CNTNAP2: variants seen among roughly 807,000 people sequenced by gnomAD.
CNTNAP2 encodes contactin associated protein 2.
Under a neutral mutation model 155.2 loss-of-function variants are expected in CNTNAP2, and 98 were observed. That is an observed-to-expected ratio of 0.63 (90% confidence interval 0.54 to 0.75). The LOEUF (loss-of-function observed/expected upper bound fraction) is 0.75, where lower values mean the gene tolerates loss of function less well. CNTNAP2 is among the 30% of genes least tolerant of loss of function. The probability of loss-of-function intolerance (pLI) is 0.00; values close to 1 mark genes in which losing one functional copy is unlikely to be tolerated. For synonymous variants in CNTNAP2, 651 were observed against 631.2 expected, an observed-to-expected ratio of 1.03 and a Z score of -0.47; for missense variants, 1,727 against 1,688.1, an observed-to-expected ratio of 1.02 and a Z score of -0.40.
chr7:146,524,417 A>G (rs1797658678), intron 1 of CNTNAP2, among the ~76,000 whole-genome samples: 1 of 152,064 alleles, frequency 6.6e-6, no homozygotes, highest in Admixed American at 6.6e-5. Context: ...TGATAGTAGC[A>G]TAGTTGCTTG....
chr7:148,071,644 A>G (rs1451540094), intron 15 of CNTNAP2, among the ~76,000 whole-genome samples: 6 of 152,238 alleles, frequency 3.9e-5, no homozygotes, highest in African/African-American at 9.6e-5. Context: ...ATTGCCATTC[A>G]GTATCATTGG....
intron 14 of CNTNAP2, among the ~76,000 whole-genome samples, chr7:147,918,571 A>G (rs931129241): frequency 6.6e-6 from 1 of 152,230 alleles, no homozygotes; most frequent in Non-Finnish European, 1.5e-5. Flanking sequence ...ACTAAATGTG[A>G]TGTATAATGA....
At chr7:146,613,764 T>C (rs1799178577) in intron 1 of CNTNAP2, among the ~76,000 whole-genome samples, 1 of 152,132 alleles carries the variant, frequency 6.6e-6, no homozygotes, top group Non-Finnish European at 1.5e-5. Flanking sequence ...ATGACTACCA[T>C]ATTGGACACC....
chr7:146,173,781 T>C (rs962543440), intron 1 of CNTNAP2, among the ~76,000 whole-genome samples: 1 of 152,180 alleles, frequency 6.6e-6, no homozygotes, highest in East Asian at 1.9e-4. Context: ...ATACTCAGCA[T>C]GTGTTAGTTG....
Position 148,247,647 on chromosome 7 carries a change from A to AT in CNTNAP2, c.3381+17871dup, listed in dbSNP as rs1361087053. 1.4e-3 allele frequency among the ~76,000 whole-genome samples: 179 copies of AT among 125,818 alleles called. 7 individuals carry two copies. The highest frequency in any genetic ancestry group is 2.2e-3 in the Non-Finnish European group (133 of 59,434). 82.5% of individuals were successfully genotyped at this position (125,818 alleles called of 152,430 possible). ...TCTCTATTTATTTATTTATTTATTT[A>AT]TTTATTTATTTATTTATTTTTTTGG... On this transcript the variant is annotated intron_variant, in intron 20 of 23. Transcript: ENST00000361727.
chr7:148,136,557 T>C (rs1223825403), intron 16 of CNTNAP2, among the ~76,000 whole-genome samples: 2 of 152,192 alleles, frequency 1.3e-5, no homozygotes, highest in Non-Finnish European at 2.9e-5. Context: ...CTCTTTTCTT[T>C]ATAAATTACC....
chr7:147,733,964 A>G (rs1405452641), intron 13 of CNTNAP2, among the ~76,000 whole-genome samples: 6 of 152,132 alleles, frequency 3.9e-5, no homozygotes, highest in South Asian at 2.1e-4. Flanking sequence ...TCTGCAAACA[A>G]GGACAATTTG....
intron 23 of CNTNAP2, among the ~76,000 whole-genome samples, chr7:148,413,401 AATATATATAT>A (rs1226281346): frequency 2.2e-4 from 10 of 45,356 alleles, no homozygotes; most frequent in African/African-American, 8.9e-4. Context: ...TCAAAAAAAA[AATATATATAT>A]ATATATATAT....
chr7:146,542,450 C>T (rs1445504086), intron 1 of CNTNAP2, among the ~76,000 whole-genome samples: 1 of 151,900 alleles, frequency 6.6e-6, no homozygotes, highest in Non-Finnish European at 1.5e-5. Flanking sequence ...CTGGCAGAAA[C>T]CATCTAGACT....
In CNTNAP2 at chr7:146,254,386, C is replaced by G. The variant is rs561234285; in HGVS notation, c.97+137413C>G. 3.9e-5 allele frequency among the ~76,000 whole-genome samples: 6 copies of G among 152,240 alleles called. No individual in the cohort carries two copies. The South Asian group carries it at 1.2e-3, about 32-fold the overall frequency. On this transcript the variant is annotated intron_variant, in intron 1 of 23. Coordinates refer to ENST00000361727, the MANE Select transcript of CNTNAP2 (RefSeq NM_014141.6). ...GAAAAATTCTTAGAATAGTTCTTGG[C>G]ACATGCCATATTTAAATGTCGCCAC...
intron 1 of CNTNAP2, among the ~76,000 whole-genome samples, chr7:146,679,347 C>CTTTTTTT (rs34541415): frequency 2.8e-4 from 30 of 106,902 alleles, no homozygotes; most frequent in African/African-American, 3.8e-4. Context: ...GATCTTGTTT[C>CTTTTTTT]TTTTTTTTTT....
chr7:146,785,436 A>G (rs527305867), intron 2 of CNTNAP2, among the ~76,000 whole-genome samples: 19 of 152,220 alleles, frequency 1.2e-4, no homozygotes, highest in Non-Finnish European at 2.2e-4. Context: ...TGCAGGTTTG[A>G]CTCTCAGAGA....
intron 20 of CNTNAP2, among the ~76,000 whole-genome samples, chr7:148,245,125 G>C (rs982447434): frequency 1.3e-5 from 2 of 152,246 alleles, no homozygotes; most frequent in South Asian, 2.1e-4. Context: ...TAACAACTGG[G>C]TTGTCTTGTG....
intron 2 of CNTNAP2, among the ~76,000 whole-genome samples, chr7:146,836,402 C>T (rs556022068): frequency 6.6e-6 from 1 of 152,236 alleles, no homozygotes; most frequent in South Asian, 2.1e-4. Flanking sequence ...GCAGTTTTAA[C>T]AGAGGTAGTA....
chr7:147,507,706 C>T (rs1327713122), intron 11 of CNTNAP2, among the ~76,000 whole-genome samples: 1 of 151,774 alleles, frequency 6.6e-6, no homozygotes. Flanking sequence ...GTGTCTGCCA[C>T]CACGCGCGGC....
chr7:146,713,099 G>A (rs1019120875), intron 1 of CNTNAP2, among the ~76,000 whole-genome samples: 1 of 151,738 alleles, frequency 6.6e-6, no homozygotes, highest in Non-Finnish European at 1.5e-5. Flanking sequence ...CAGACTCGCA[G>A]GACCCTAAAT....
chr7:148,006,816 G>A (rs1282536807), intron 15 of CNTNAP2, among the ~76,000 whole-genome samples: 1 of 152,022 alleles, frequency 6.6e-6, no homozygotes, highest in African/African-American at 2.4e-5. Context: ...TCATGAAAGT[G>A]GGCAATTCAA....
chr7:147,643,051 TG>T (rs951817703), intron 13 of CNTNAP2, among the ~76,000 whole-genome samples: 7 of 152,194 alleles, frequency 4.6e-5, no homozygotes, highest in African/African-American at 1.7e-4. Flanking sequence ...TGATAGAGCT[TG>T]GTTGGGGCCT....
At chr7:146,832,468 A>G (rs1003554043) in intron 2 of CNTNAP2, among the ~76,000 whole-genome samples, 1 of 148,776 alleles carries the variant, frequency 6.7e-6, no homozygotes, top group African/African-American at 2.4e-5. Context: ...ATACATTAAC[A>G]TATATATTTA....
Sources: allele counts gnomAD v4.1 joint callset (sites outside exome capture counted in the v4.1 genomes callset), GRCh38; gene constraint gnomAD v4.1.1; transcripts MANE v1.5; gene names NCBI Gene and HGNC (gene_info 2026-07-23, HGNC 2026-07-21).